The following NDUFAF2 variants were observed in gnomAD, a reference collection of about 807,000 sequenced individuals.
NDUFAF2 encodes NADH dehydrogenase [ubiquinone] 1 alpha subcomplex assembly factor 2.
In NDUFAF2, 13 loss-of-function variants were observed where a neutral mutation model predicts 22.8. The ratio of observed to expected loss-of-function variants is 0.57; its 90% CI spans 0.37 to 0.91. The LOEUF is 0.91. NDUFAF2 is among the 40% of genes least tolerant of loss of function. NDUFAF2 has a pLI of 0.01. For synonymous variants in NDUFAF2, 53 were observed against 64.2 expected (o/e 0.83, Z 0.84); for missense variants, 162 against 195.2 (o/e 0.83, Z 1.01).
At chr5:61,040,555 A>AT (rs1237546856) in intron 1 of NDUFAF2, among the ~76,000 whole-genome samples, 2 of 150,782 alleles carry the variant, frequency 1.3e-5, no homozygotes, top group African/African-American at 5.0e-5. Flanking sequence ...ATAAATATAT[A>AT]TTTTTTTGCC....
chr5:60,960,477 A>G (rs1425692111), intron 1 of NDUFAF2, among the ~76,000 whole-genome samples: 1 of 152,204 alleles, frequency 6.6e-6, no homozygotes, highest in East Asian at 1.9e-4. Flanking sequence ...TGAAACTATT[A>G]CTTTTCATAC....
Position 60,945,207 on chromosome 5 carries a change from C to A in NDUFAF2, c.-49C>A, listed in dbSNP as rs548669440. 3.7e-5 allele frequency: 60 copies of A among 1,604,344 alleles called. No individual in the cohort carries two copies. The highest frequency in any genetic ancestry group is 6.7e-5 in the African/African-American group (5 of 74,810). On this transcript the variant is annotated 5_prime_UTR_variant, in exon 1 of 4. Coordinates refer to ENST00000296597, the MANE Select transcript of NDUFAF2 (RefSeq NM_174889.5). ...GCTGGGTCGGCGGCTGGAGCATTACCCCTACTGCGGGTCCCGCTGCTGGCA... is the reference window on the plus strand; with the variant it reads ...GCTGGGTCGGCGGCTGGAGCATTACACCTACTGCGGGTCCCGCTGCTGGCA...
At chr5:61,124,483 CTT>C (rs1369135851) in intron 3 of NDUFAF2, among the ~76,000 whole-genome samples, 1 of 151,932 alleles carries the variant, frequency 6.6e-6, no homozygotes, top group Non-Finnish European at 1.5e-5. Flanking sequence ...TTTATTATAA[CTT>C]ATAAATCTTT....
chr5:61,009,615 GTTTTTC>G (rs1751418537), intron 1 of NDUFAF2, among the ~76,000 whole-genome samples: 3 of 152,050 alleles, frequency 2.0e-5, no homozygotes, highest in African/African-American at 7.2e-5. Context: ...ATGTCTTGTA[GTTTTTC>G]TTTTTCTATC....
At chr5:61,034,321 G>T (rs2112611443) in intron 1 of NDUFAF2, among the ~76,000 whole-genome samples, 1 of 152,276 alleles carries the variant, frequency 6.6e-6, no homozygotes, top group Middle Eastern at 3.4e-3. Flanking sequence ...TGTGTTATTA[G>T]GAAATTTTGT....
At chr5:61,105,643 AAGC>A (rs1406553520) in intron 3 of NDUFAF2, among the ~76,000 whole-genome samples, 6 of 150,588 alleles carry the variant, frequency 4.0e-5, no homozygotes, top group Non-Finnish European at 5.9e-5. Context: ...AAAAAAAAAA[AAGC>A]AGCTACAGAA....
At chr5:61,095,965 G>A (rs966893612) in intron 2 of NDUFAF2, among the ~76,000 whole-genome samples, 7 of 152,234 alleles carry the variant, frequency 4.6e-5, no homozygotes, top group African/African-American at 1.4e-4. Context: ...TGAGAGCCAC[G>A]TACCCTAGCT....
chr5:60,989,464 TGCA>T (rs1391184825), intron 1 of NDUFAF2, among the ~76,000 whole-genome samples: 1 of 152,204 alleles, frequency 6.6e-6, no homozygotes, highest in Non-Finnish European at 1.5e-5. Context: ...GTATGTTCAT[TGCA>T]GCACTATTCA....
chr5:61,068,914 A>C (rs960553635), intron 1 of NDUFAF2, among the ~76,000 whole-genome samples: 2 of 152,162 alleles, frequency 1.3e-5, no homozygotes, highest in African/African-American at 4.8e-5. Flanking sequence ...CAAAAGACCC[A>C]TGTTCAAATC....
chr5:61,005,392 A>C (rs1388967413), intron 1 of NDUFAF2, among the ~76,000 whole-genome samples: 1 of 152,178 alleles, frequency 6.6e-6, no homozygotes, highest in East Asian at 1.9e-4. Context: ...GTGCCGCAGT[A>C]AACATACGTG....
chr5:61,066,985 A>G (rs1029583606), intron 1 of NDUFAF2, among the ~76,000 whole-genome samples: 1 of 152,104 alleles, frequency 6.6e-6, no homozygotes, highest in African/African-American at 2.4e-5. Context: ...AAAGTAGCAG[A>G]TATGTAAGGT....
At chr5:61,123,103 C>T (rs1021040974) in intron 3 of NDUFAF2, among the ~76,000 whole-genome samples, 14 of 152,154 alleles carry the variant, frequency 9.2e-5, no homozygotes, top group Non-Finnish European at 2.1e-4. Flanking sequence ...AGAGCAGTGA[C>T]CAACTCCAGA....
intron 1 of NDUFAF2, among the ~76,000 whole-genome samples, chr5:61,035,910 T>C (rs1751794824): frequency 1.3e-5 from 2 of 152,244 alleles, no homozygotes; most frequent in Non-Finnish European, 2.9e-5. Flanking sequence ...TCCGTCATAC[T>C]ATTTAAAATG....
At chr5:61,095,808 C>G (rs1232372475) in intron 2 of NDUFAF2, among the ~76,000 whole-genome samples, 1 of 152,170 alleles carries the variant, frequency 6.6e-6, no homozygotes, top group Non-Finnish European at 1.5e-5. Flanking sequence ...TCCCCTGGCT[C>G]CATGTCGCTC....
intron 1 of NDUFAF2, among the ~76,000 whole-genome samples, chr5:61,054,027 C>T (rs181635834): frequency 4.6e-5 from 7 of 151,886 alleles, no homozygotes; most frequent in Admixed American, 4.6e-4. Context: ...ATCACGAGAC[C>T]CCATCTCTAC....
rs142898305 is a variant in NDUFAF2 at position 61,104,768 on chromosome 5, G to GA, written c.258+5746dup. 7.3e-3 allele frequency among the ~76,000 whole-genome samples: 1,073 copies of GA among 146,306 alleles called. 6 individuals carry two copies. The highest frequency in any genetic ancestry group is 0.012 in the Non-Finnish European group (783 of 66,002). ...TACAGTAAGAAATGAAATTGGCACA[G>GA]AAAAAAAAAACAGGAGACTGCTTGG... On this transcript the variant is annotated intron_variant, in intron 3 of 3. Transcript: ENST00000296597.
chr5:61,107,008 C>T (rs1393867264), intron 3 of NDUFAF2, among the ~76,000 whole-genome samples: 1 of 146,336 alleles, frequency 6.8e-6, no homozygotes, highest in African/African-American at 2.6e-5. Flanking sequence ...GTACAGGTAT[C>T]TCTTCGATAT....
rs189925689 is a variant in NDUFAF2 at position 60,967,699 on chromosome 5, A to G, written c.127+22317A>G. On this transcript the variant is annotated intron_variant, in intron 1 of 3. Coordinates refer to ENST00000296597, the MANE Select transcript of NDUFAF2 (RefSeq NM_174889.5). ...GCTTTCCAGGGATAAATCTCACTTG[A>G]TCATGGTGAATGATCTTTTTAATGT... is the stretch of plus-strand genomic sequence containing the variant. Among the ~76,000 whole-genome samples, 236 of 151,888 alleles carry G rather than the reference A, an allele frequency of 1.6e-3. 1 individual carries two copies. The highest frequency in any genetic ancestry group is 5.5e-3 in the African/African-American group (229 of 41,444).
intron 1 of NDUFAF2, 26 bp downstream of exon 1, chr5:60,945,408 T>TA: frequency 1.2e-6 from 2 of 1,614,148 alleles, no homozygotes; most frequent in Non-Finnish European, 1.7e-6. Context: ...GGGCAGCGAT[T>TA]GCGTGGTCAG....
Sources: gnomAD v4.1 joint callset for allele counts (sites outside exome capture counted in the v4.1 genomes callset) on GRCh38, gnomAD v4.1.1 for gene constraint, MANE v1.5 for transcripts, NCBI Gene and HGNC (gene_info 2026-07-23, HGNC 2026-07-21) for gene names.